The following UFM1 variants were observed in gnomAD, a reference collection of about 807,000 sequenced individuals.
The protein encoded by UFM1 is ubiquitin fold modifier 1.
UFM1 carries 9 observed loss-of-function variants against 15.4 expected under a neutral mutation model. That is an observed-to-expected ratio of 0.59 (90% CI 0.35 to 1.02). UFM1 has a LOEUF of 1.02. Ranked by LOEUF, UFM1 falls within the 50% of genes least tolerant of loss-of-function variation. The pLI is 0.02. For synonymous variants in UFM1, 27 were observed against 36.3 expected (o/e 0.74, Z 0.92); for missense variants, 98 against 104.7 (o/e 0.94, Z 0.28).
At chr13:38,352,045 A>G (rs978405347) in intron 2 of UFM1, among the ~76,000 whole-genome samples, 9 of 150,224 alleles carry the variant, frequency 6.0e-5, no homozygotes, top group African/African-American at 2.2e-4. Context: ...TGATCACAAC[A>G]TATTTTATAG....
In UFM1 at chr13:38,358,076, T is replaced by TC. The variant is rs753558103; in HGVS notation, c.118-17_118-16insC. 8 of 1,298,862 alleles carry TC rather than the reference T, an allele frequency of 6.2e-6. No individual in the cohort carries two copies. In the South Asian group the frequency reaches 1.3e-4, roughly 21 times the overall value. The allele number at this position is 1,298,862 out of a possible 1,614,324, so 80.5% of individuals were successfully genotyped here. A position where few individuals can be genotyped will look rare whatever the true frequency, so the allele number is the denominator to read the frequency against. ...GTGTGTGTATATATATATATATTTT[T>TC]TTTTCCTTCTATTTAGTTTAAAGTT... On this transcript the variant is annotated splice_polypyrimidine_tract_variant and intron_variant, in intron 3 of 5. Coordinates refer to ENST00000239878, the MANE Select transcript of UFM1 (RefSeq NM_016617.4).
Position 38,360,885 on chromosome 13 carries a change from T to C in UFM1, c.*107T>C. Reference sequence around the variant, plus strand: ...TAACATACTATGAAAACACCAGGAGTCAATGATTAATGAAAGGTGACTCAT... The same window carrying C: ...TAACATACTATGAAAACACCAGGAGCCAATGATTAATGAAAGGTGACTCAT... On this transcript the variant is annotated 3_prime_UTR_variant, in exon 6 of 6. Coordinates refer to ENST00000239878, the MANE Select transcript of UFM1 (RefSeq NM_016617.4). The C allele has an allele frequency of 3.4e-6, 3 of 870,412 alleles. No homozygotes were observed. The highest frequency in any genetic ancestry group is 1.6e-5 in the South Asian group (1 of 62,074). 53.9% of individuals were successfully genotyped at this position (870,412 alleles called of 1,614,324 possible).
chr13:38,357,948 G>A, intron 3 of UFM1, 145 bp from the exon 4 acceptor site: 1 of 376,502 alleles, frequency 2.7e-6, no homozygotes, highest in Non-Finnish European at 4.6e-6. Flanking sequence ...TACTTTCCTT[G>A]ATAGTTTCAC....
At position 38,361,122 on chromosome 13, in the gene UFM1, G is replaced by T. The variant is rs551695552; in HGVS notation, c.*344G>T. 5.7e-6 allele frequency: 1 copy of T among 174,998 alleles called. No individual in the cohort carries two copies. The highest frequency in any genetic ancestry group is 2.4e-5 in the African/African-American group (1 of 42,200). The allele number at this position is 174,998 out of a possible 1,614,324, so 10.8% of individuals were successfully genotyped here. On this transcript the variant is annotated 3_prime_UTR_variant, in exon 6 of 6. Transcript: ENST00000239878. ...TTGGAACATTAAAATTTACTGAATC[G>T]TATATATTCATCTGAGATAAAAATA...
At chr13:38,353,219 C>CT (rs549657265) in intron 2 of UFM1, among the ~76,000 whole-genome samples, 1 of 152,098 alleles carries the variant, frequency 6.6e-6, no homozygotes, top group Non-Finnish European at 1.5e-5. Flanking sequence ...GATCTGTAGA[C>CT]TGAGTGAGGA....
Position 38,361,718 on chromosome 13 carries a change from C to G in UFM1, c.*940C>G, listed in dbSNP as rs1337398356. Reference sequence around the variant, plus strand: ...ATCAGTCACCCATGTGAATAAGAAGCCAGGAAAGGAAAGATGGGGAAGCCC... The same window carrying G: ...ATCAGTCACCCATGTGAATAAGAAGGCAGGAAAGGAAAGATGGGGAAGCCC... On this transcript the variant is annotated 3_prime_UTR_variant, in exon 6 of 6. Transcript: ENST00000239878. The G allele has an allele frequency of 6.6e-6, 1 of 152,004 alleles. No individual in the cohort carries two copies. Among genetic ancestry groups the G allele is most frequent in the Non-Finnish European group, 1.5e-5 (1 of 68,032 alleles). The allele number at this position is 152,004 out of a possible 1,614,324, so 9.4% of individuals were successfully genotyped here. A position where few individuals can be genotyped will look rare whatever the true frequency, so the allele number is the denominator to read the frequency against.
At chr13:38,360,109 G>T (rs1029875516) in intron 5 of UFM1, 3 of 348,620 alleles carry the variant, frequency 8.6e-6, no homozygotes, top group Non-Finnish European at 1.7e-5. Context: ...TGTTACTTCA[G>T]TAGTTGTTAA....
In UFM1 at chr13:38,349,981, T is replaced by C; in HGVS notation, c.3-18T>C. Reference sequence around the variant, plus strand: ...GTCCAGCTGCCCGACCCTGACTCTCTCCCGCTCTTTTCCTCAGGTCGAAGG... The same window carrying C: ...GTCCAGCTGCCCGACCCTGACTCTCCCCCGCTCTTTTCCTCAGGTCGAAGG... On this transcript the variant is annotated intron_variant, in intron 1 of 5. Coordinates refer to ENST00000239878, the MANE Select transcript of UFM1 (RefSeq NM_016617.4). 1 of 1,614,020 alleles carries C rather than the reference T, an allele frequency of 6.2e-7. No homozygotes were observed. The highest frequency in any genetic ancestry group is 8.5e-7 in the Non-Finnish European group (1 of 1,179,864).
rs544990643 is a variant in UFM1, at chr13:38,362,655, T to A, written c.*1877T>A. The A allele has an allele frequency of 1.3e-5, 2 of 152,120 alleles. No homozygotes were observed. The highest frequency in any genetic ancestry group is 2.1e-4 in the South Asian group (1 of 4,820). 9.4% of individuals were successfully genotyped at this position (152,120 alleles called of 1,614,324 possible). Reference sequence around the variant, plus strand: ...CAGAGGCCCCGTTTCTTACAATAAATGTTGAGTCTTAGTTAAGCAGGAATT... The same window carrying A: ...CAGAGGCCCCGTTTCTTACAATAAAAGTTGAGTCTTAGTTAAGCAGGAATT... On this transcript the variant is annotated 3_prime_UTR_variant, in exon 6 of 6. Transcript: ENST00000239878.
chr13:38,349,873 T>A lies in UFM1; in HGVS notation c.-47T>A. On this transcript the variant is annotated 5_prime_UTR_variant, in exon 1 of 6. Coordinates refer to ENST00000239878, the MANE Select transcript of UFM1 (RefSeq NM_016617.4). ...CCCAGCACACTAGAGGAAGTCGTGC[T>A]ACCCCCGCGGAGTTGTCGTGTGTTC... 1 of 1,614,136 alleles carries A rather than the reference T, an allele frequency of 6.2e-7. No individual in the cohort carries two copies. Among genetic ancestry groups the A allele is most frequent in the Non-Finnish European group, 8.5e-7 (1 of 1,180,028 alleles).
intron 2 of UFM1, 39 bp downstream of exon 2, chr13:38,350,094 C>A (rs1878756694): frequency 1.2e-6 from 2 of 1,614,114 alleles, no homozygotes; most frequent in South Asian, 2.2e-5. Flanking sequence ...TGGGGCCGGA[C>A]AAGACGGGGC....
Position 38,350,040 on chromosome 13 carries a change from G to C in UFM1, c.44G>C (p.Arg15Pro). ...SFKITLTSDP[R>P]LPYKVLSVPE... ...AAGATCACGCTGACGTCGGACCCACGGCTGCCGTACAAAGTGTGAGTAGCT... is the reference window on the plus strand; with the variant it reads ...AAGATCACGCTGACGTCGGACCCACCGCTGCCGTACAAAGTGTGAGTAGCT... The change falls in exon 2 of 6, where the codon CGG becomes CCG. Residue 15 changes from arginine to proline, a missense_variant. By Grantham distance (103) the Arg-to-Pro change is moderately radical (BLOSUM62 -2). Transcript: ENST00000239878. 6.2e-7 allele frequency: 1 copy of C among 1,614,196 alleles called. No individual in the cohort carries two copies. Among genetic ancestry groups the C allele is most frequent in the Non-Finnish European group, 8.5e-7 (1 of 1,180,038 alleles).
intron 3 of UFM1, among the ~76,000 whole-genome samples, chr13:38,355,385 A>G (rs1032218279): frequency 2.0e-5 from 3 of 152,004 alleles, no homozygotes; most frequent in Non-Finnish European, 4.4e-5. Context: ...TGAGTATAGC[A>G]TTGTCATTAC....
intron 5 of UFM1, among the ~76,000 whole-genome samples, chr13:38,360,361 T>C (rs1879314082): frequency 1.3e-5 from 2 of 152,024 alleles, no homozygotes; most frequent in African/African-American, 2.4e-5. Flanking sequence ...TATGTCAGGG[T>C]ATCTAAATTT....
At chr13:38,356,144 C>A (rs1879084350) in intron 3 of UFM1, among the ~76,000 whole-genome samples, 2 of 151,842 alleles carry the variant, frequency 1.3e-5, no homozygotes, top group African/African-American at 4.8e-5. Flanking sequence ...ATGGTTTAAC[C>A]ATTTCTTCCA....
chr13:38,359,013 A>G (rs1438248236), intron 4 of UFM1, among the ~76,000 whole-genome samples: 1 of 152,024 alleles, frequency 6.6e-6, no homozygotes, highest in Non-Finnish European at 1.5e-5. Context: ...ATTATTTTTA[A>G]TTCTATATGG....
chr13:38,360,861 A>G lies in UFM1; in HGVS notation c.*83A>G, dbSNP rs1879344180. 8.5e-7 allele frequency: 1 copy of G among 1,182,980 alleles called. No homozygotes were observed. Among genetic ancestry groups the G allele is most frequent in the Non-Finnish European group, 1.2e-6 (1 of 801,480 alleles). 73.3% of individuals were successfully genotyped at this position (1,182,980 alleles called of 1,614,324 possible). On this transcript the variant is annotated 3_prime_UTR_variant, in exon 6 of 6. Transcript: ENST00000239878. The stretch of plus-strand genomic sequence containing the variant: ...GTTGTAAAATTGAAATCAGGCATTT[A>G]ACATACTATGAAAACACCAGGAGTC...
intron 4 of UFM1, 47 bp from the exon 5 acceptor site, chr13:38,359,253 AT>A: frequency 6.3e-7 from 1 of 1,588,540 alleles, no homozygotes. Context: ...CTATTTAACC[AT>A]TTTAGCTTTA....
chr13:38,359,414 CACTTG>C (rs780270928), intron 5 of UFM1, 81 bp downstream of exon 5: 2 of 1,457,872 alleles, frequency 1.4e-6, no homozygotes, highest in African/African-American at 2.8e-5. Context: ...ATTCTAATTA[CACTTG>C]ACAGTATTTT....
Sources: allele counts gnomAD v4.1 joint callset (sites outside exome capture counted in the v4.1 genomes callset), GRCh38; gene constraint gnomAD v4.1.1; transcripts MANE v1.5; gene names NCBI Gene and HGNC (gene_info 2026-07-23, HGNC 2026-07-21).